Variants in ARHGEF7 observed in about 807,000 individuals in gnomAD.
ARHGEF7 encodes the protein PAK-interacting exchange factor beta.
In ARHGEF7, 33 loss-of-function variants were observed where a neutral mutation model predicts 109.8. That is an observed-to-expected ratio of 0.30 (90% confidence interval 0.23 to 0.40). ARHGEF7 has a LOEUF of 0.40. ARHGEF7 is among the 10% of genes least tolerant of loss of function. ARHGEF7 has a pLI of 1.00. For synonymous variants in ARHGEF7, 458 were observed against 424.6 expected, an observed-to-expected ratio of 1.08 and a Z score of -0.97; for missense variants, 938 against 1,098.5, an observed-to-expected ratio of 0.85 and a Z score of 2.07.
At chr13:111,196,110 A>G (rs2080470027) in intron 2 of ARHGEF7, among the ~76,000 whole-genome samples, 1 of 152,200 alleles carries the variant, frequency 6.6e-6, no homozygotes, top group Non-Finnish European at 1.5e-5. Context: ...GGCCTCCTGT[A>G]GCCAGTCGAG....
intron 13 of ARHGEF7, among the ~76,000 whole-genome samples, chr13:111,279,017 G>C (rs983077398): frequency 3.3e-5 from 5 of 152,216 alleles, no homozygotes; most frequent in Non-Finnish European, 7.3e-5. Flanking sequence ...TCTACCATTA[G>C]AACACTGGCT....
Position 111,194,521 on chromosome 13 carries a change from G to A in ARHGEF7, c.253-10768G>A, listed in dbSNP as rs770481948. ...CATTCCTTTCTGAGGGCCCTGGTCC[G>A]TCTGGCTAAGATTAGGCCTAGATAT... On this transcript the variant is annotated intron_variant, in intron 2 of 21. Coordinates refer to ENST00000646102, the MANE Select transcript of ARHGEF7 (RefSeq NM_001354046.2). Among the ~76,000 whole-genome samples the A allele has an allele frequency of 7.2e-5, 11 of 152,328 alleles. 1 individual carries two copies. The highest frequency in any genetic ancestry group is 6.8e-3 in the Middle Eastern group (2 of 294).
intron 6 of ARHGEF7, among the ~76,000 whole-genome samples, chr13:111,236,914 A>G (rs531516501): frequency 1.3e-5 from 2 of 152,310 alleles, no homozygotes; most frequent in Admixed American, 1.3e-4. Flanking sequence ...GCAGTAAGCT[A>G]TGATTGCACC....
At chr13:111,143,277 A>T (rs373319962) in intron 1 of ARHGEF7, among the ~76,000 whole-genome samples, 1 of 152,214 alleles carries the variant, frequency 6.6e-6, no homozygotes, top group Admixed American at 6.5e-5. Context: ...GAGGGTGGAC[A>T]TGACCCTGCC....
intron 6 of ARHGEF7, chr13:111,241,443 T>C: frequency 3.3e-6 from 4 of 1,230,356 alleles, no homozygotes; most frequent in Non-Finnish European, 4.5e-6. Context: ...TGGCTGTGTG[T>C]TTGAGGAAAA....
chr13:111,231,482 A>C, intron 5 of ARHGEF7, among the ~76,000 whole-genome samples: 1 of 152,300 alleles, frequency 6.6e-6, no homozygotes, highest in East Asian at 1.9e-4. Context: ...GAAGATTTAG[A>C]AACTTGACAG....
rs193082096 is a variant in ARHGEF7, at chr13:111,291,282, G to A, written c.2135-836G>A. ...CAGTGCTCATAGTTGCCAGCCACTC[G>A]TGATTATTTCTCTCCTGACATGTTG... On this transcript the variant is annotated intron_variant, in intron 18 of 21. Transcript: ENST00000646102. 2.8e-4 allele frequency among the ~76,000 whole-genome samples: 42 copies of A among 152,384 alleles called. No individual in the cohort carries two copies. The East Asian group carries it at 4.8e-3, about 17-fold the overall frequency.
chr13:111,259,721 T>C (rs1249880335), intron 8 of ARHGEF7, among the ~76,000 whole-genome samples: 6 of 152,148 alleles, frequency 3.9e-5, no homozygotes, highest in Admixed American at 3.9e-4. Context: ...GCCCAGACAC[T>C]GACAAACATC....
Position 111,186,568 on chromosome 13 carries a change from T to C in ARHGEF7, c.253-18721T>C, listed in dbSNP as rs1402376337. 2.0e-5 allele frequency among the ~76,000 whole-genome samples: 3 copies of C among 152,312 alleles called. No homozygotes were observed. The East Asian group carries it at 5.8e-4, about 29-fold the overall frequency. ...CACATGTCCCCAACAATATGGACCATTTGCATTAAACTTAAATAGCACCAC... is the reference window on the plus strand; with the variant it reads ...CACATGTCCCCAACAATATGGACCACTTGCATTAAACTTAAATAGCACCAC... On this transcript the variant is annotated intron_variant, in intron 2 of 21. Coordinates refer to ENST00000646102, the MANE Select transcript of ARHGEF7 (RefSeq NM_001354046.2).
At chr13:111,138,348 G>A (rs1374821136) in intron 1 of ARHGEF7, among the ~76,000 whole-genome samples, 1 of 152,144 alleles carries the variant, frequency 6.6e-6, no homozygotes, top group Non-Finnish European at 1.5e-5. Flanking sequence ...GGGTGTGGTG[G>A]CTCATGCCTG....
chr13:111,304,397 GT>G lies in ARHGEF7; in HGVS notation c.*1287del, dbSNP rs1462636058. On this transcript the variant is annotated 3_prime_UTR_variant, in exon 22 of 22. Coordinates refer to ENST00000646102, the MANE Select transcript of ARHGEF7 (RefSeq NM_001354046.2). ...GGTGACCACAGGGACTTTGCTTTTG[GT>G]TTCCTTTCCTGTGAAAAGGTTGGTT... is the stretch of plus-strand genomic sequence containing the variant. 6.6e-6 allele frequency: 1 copy of G among 152,218 alleles called. No individual in the cohort carries two copies. The highest frequency in any genetic ancestry group is 1.5e-5 in the Non-Finnish European group (1 of 68,034). The allele number at this position is 152,218 out of a possible 1,614,324, so 9.4% of individuals were successfully genotyped here.
chr13:111,198,820 G>A (rs1169682768), intron 2 of ARHGEF7, among the ~76,000 whole-genome samples: 1 of 152,112 alleles, frequency 6.6e-6, no homozygotes, highest in Non-Finnish European at 1.5e-5. Context: ...CCCTGCCCAC[G>A]TCCTGCTGAT....
chr13:111,159,939 T>C (rs2076620951), intron 2 of ARHGEF7, among the ~76,000 whole-genome samples: 1 of 152,236 alleles, frequency 6.6e-6, no homozygotes, highest in Non-Finnish European at 1.5e-5. Context: ...CAGACCAATG[T>C]CTTGGAGCTT....
intron 19 of ARHGEF7, chr13:111,292,561 G>T: frequency 7.4e-7 from 1 of 1,356,106 alleles, no homozygotes; most frequent in Non-Finnish European, 9.4e-7. Flanking sequence ...ACATCCGAGG[G>T]TGCTCTTCGT....
chr13:111,118,832 A>T (rs763956285), intron 1 of ARHGEF7, among the ~76,000 whole-genome samples: 1 of 152,324 alleles, frequency 6.6e-6, no homozygotes, highest in Non-Finnish European at 1.5e-5. Context: ...AACTCAAGGA[A>T]CTTGGTTCTT....
chr13:111,221,861 C>T (rs1356895778), intron 5 of ARHGEF7, among the ~76,000 whole-genome samples: 1 of 151,786 alleles, frequency 6.6e-6, no homozygotes, highest in Non-Finnish European at 1.5e-5. Context: ...TACAAGGTCC[C>T]ACGATAGGCC....
intron 1 of ARHGEF7, among the ~76,000 whole-genome samples, chr13:111,133,763 TTATATATATATATATATATATATA>T (rs763290549): frequency 2.7e-4 from 2 of 7,376 alleles, no homozygotes; most frequent in African/African-American, 5.6e-4. Context: ...CTGCTTTTCT[TTATATATATATATATATATATATA>T]TATATATATA....
At chr13:111,179,923 T>C (rs2078574007) in intron 2 of ARHGEF7, among the ~76,000 whole-genome samples, 1 of 152,232 alleles carries the variant, frequency 6.6e-6, no homozygotes, top group Non-Finnish European at 1.5e-5. Context: ...GGTGCCACAG[T>C]TGGTCACTAG....
intron 6 of ARHGEF7, chr13:111,241,185 T>C (rs2087712895): frequency 6.5e-7 from 1 of 1,535,934 alleles, no homozygotes; most frequent in Admixed American, 2.0e-5. Flanking sequence ...TTCAGCACTG[T>C]GGGTCGTAAA....
Sources: allele counts gnomAD v4.1 joint callset (sites outside exome capture counted in the v4.1 genomes callset), GRCh38; gene constraint gnomAD v4.1.1; transcripts MANE v1.5; gene names NCBI Gene and HGNC (gene_info 2026-07-23, HGNC 2026-07-21).